SGIP1: variants seen among roughly 807,000 people sequenced by gnomAD.
SGIP1 encodes the protein SH3-containing GRB2-like protein 3-interacting protein 1.
In SGIP1, 38 loss-of-function variants were observed where a neutral mutation model predicts 107.5. The ratio of observed to expected loss-of-function variants is 0.35; its 90% CI spans 0.27 to 0.46. The LOEUF (loss-of-function observed/expected upper bound fraction) is 0.46. Among genes scored for constraint, SGIP1 ranks in the 20% least tolerant of loss-of-function variants. The pLI, the probability that SGIP1 is intolerant of heterozygous loss-of-function variation, is 1.00. For missense variants in SGIP1, 929 were observed against 1,019.5 expected (o/e 0.91, Z 1.21); for synonymous variants, 365 against 366.1 (o/e 1.00, Z 0.03).
chr1:66,602,991 G>T (rs1000669616), intron 1 of SGIP1, among the ~76,000 whole-genome samples: 1 of 152,170 alleles, frequency 6.6e-6, no homozygotes, highest in Non-Finnish European at 1.5e-5. Flanking sequence ...AAACAATGGG[G>T]TTTGTTTTTG....
intron 18 of SGIP1, among the ~76,000 whole-genome samples, chr1:66,716,636 C>T (rs561210937): frequency 7.9e-5 from 12 of 152,120 alleles, no homozygotes; most frequent in South Asian, 4.1e-4. Flanking sequence ...TCCCATCTTC[C>T]GTTCAGGGTG....
Position 66,741,298 on chromosome 1 carries a change from C to G in SGIP1, c.2326C>G (p.Gln776Glu). 2 of 1,594,732 alleles carry G rather than the reference C, an allele frequency of 1.3e-6. No homozygotes were observed. Among genetic ancestry groups the G allele is most frequent in the Admixed American group, 3.5e-5 (2 of 57,066 alleles). ...GGVGSLLARF[Q>E]LSEGPSKPSP... ...GGTGGGTTCTTTGTTGGCAAGATTT[C>G]AGTTATCTGAAGGCCCAAGCAAACC... The change falls in exon 24 of 25, where the codon CAG becomes GAG. Residue 776 changes from glutamine (Q) to glutamate (E), a missense_variant. Coordinates refer to ENST00000371037, the MANE Select transcript of SGIP1 (RefSeq NM_032291.4).
chr1:66,634,907 CAG>C lies in SGIP1; in HGVS notation c.100-1033_100-1032del, dbSNP rs573949447. On this transcript the variant is annotated intron_variant, in intron 3 of 24. Transcript: ENST00000371037. Reference sequence around the variant, plus strand: ...TGAGTTTCTGTCTGCATTCAGTTCTCAGAGATACCGACCTGATTTTCCTTCAA... The same window carrying C: ...TGAGTTTCTGTCTGCATTCAGTTCTCAGATACCGACCTGATTTTCCTTCAA... Among the ~76,000 whole-genome samples the C allele has an allele frequency of 2.0e-4, 31 of 152,330 alleles. No homozygotes were observed. The South Asian group carries it at 6.4e-3, about 32-fold the overall frequency.
rs886787099 is a variant in SGIP1, at chr1:66,744,167, T to C, written c.*1072T>C. ...AGATCCAGAAGGAGAGTTTTAATCA[T>C]TGTTTATATCATTTGAGAATGAAAA... is the stretch of plus-strand genomic sequence containing the variant. On this transcript the variant is annotated 3_prime_UTR_variant, in exon 25 of 25. Transcript: ENST00000371037. The C allele has an allele frequency of 6.6e-6, 1 of 152,194 alleles. No homozygotes were observed. Among genetic ancestry groups the C allele is most frequent in the African/African-American group, 2.4e-5 (1 of 41,458 alleles). 9.4% of individuals were successfully genotyped at this position (152,194 alleles called of 1,614,324 possible).
At chr1:66,695,279 T>C in intron 17 of SGIP1, 155 bp from the exon 18 acceptor site, 6 of 1,058,906 alleles carry the variant, frequency 5.7e-6, no homozygotes, top group Non-Finnish European at 7.1e-6. Context: ...AAAGTGTAGA[T>C]TGCCAGCCTT....
intron 18 of SGIP1, among the ~76,000 whole-genome samples, chr1:66,717,808 T>C (rs1417627866): frequency 6.6e-6 from 1 of 152,180 alleles, no homozygotes; most frequent in East Asian, 1.9e-4. Flanking sequence ...TACATTTACA[T>C]AGGCAATATA....
chr1:66,632,374 G>A (rs1255395484), intron 2 of SGIP1, among the ~76,000 whole-genome samples: 1 of 152,180 alleles, frequency 6.6e-6, no homozygotes, highest in Non-Finnish European at 1.5e-5. Context: ...AATGGAAGGA[G>A]AGGTAAACAG....
rs1557865789 is a variant in SGIP1, at chr1:66,750,011, C to CTT, written c.*6917_*6918insTT. ...TAATTCATATTCTCTCTCTCTCTCT[C>CTT]TCTCTTTCTCTGTGTGTGTGTGGGG... On this transcript the variant is annotated 3_prime_UTR_variant, in exon 25 of 25. Coordinates refer to ENST00000371037, the MANE Select transcript of SGIP1 (RefSeq NM_032291.4). Among the ~76,000 whole-genome samples the CTT allele has an allele frequency of 6.6e-5, 8 of 121,624 alleles. No homozygotes were observed. Among genetic ancestry groups the CTT allele is most frequent in the African/African-American group, 2.4e-4 (8 of 33,128 alleles). 79.8% of individuals were successfully genotyped at this position (121,624 alleles called of 152,430 possible). A position where few individuals can be genotyped will look rare whatever the true frequency, so the allele number is the denominator to read the frequency against.
intron 1 of SGIP1, among the ~76,000 whole-genome samples, chr1:66,560,720 A>G (rs2058809408): frequency 6.6e-6 from 1 of 152,092 alleles, no homozygotes; most frequent in Non-Finnish European, 1.5e-5. Context: ...TTTTAAAAAA[A>G]GAAAGCAGGA....
At chr1:66,667,460 C>T in intron 8 of SGIP1, 70 bp from the exon 9 acceptor site, 2 of 1,433,154 alleles carry the variant, frequency 1.4e-6, no homozygotes, top group South Asian at 2.3e-5. Context: ...CTTCTGTTAC[C>T]CAAGACTGTT....
At chr1:66,686,744 C>T (rs1476113257) in intron 15 of SGIP1, among the ~76,000 whole-genome samples, 2 of 152,112 alleles carry the variant, frequency 1.3e-5, no homozygotes, top group Non-Finnish European at 2.9e-5. Context: ...TCAATTACTT[C>T]AAATCAGTAC....
chr1:66,582,038 G>A (rs1016136621), intron 1 of SGIP1, among the ~76,000 whole-genome samples: 1 of 152,004 alleles, frequency 6.6e-6, no homozygotes, highest in Non-Finnish European at 1.5e-5. Flanking sequence ...ACAAAAAGAA[G>A]GGACTGCCTA....
upstream of SGIP1, chr1:66,533,370 C>T (rs2147902689): frequency 6.6e-6 from 1 of 152,488 alleles, no homozygotes; most frequent in South Asian, 2.1e-4. Context: ...CAGAAACGAT[C>T]TCGAGCGTTG....
intron 1 of SGIP1, among the ~76,000 whole-genome samples, chr1:66,553,164 A>G (rs934150502): frequency 1.3e-5 from 2 of 152,036 alleles, no homozygotes. Context: ...AAGCTGGGGG[A>G]ATGGTGGCTT....
intron 8 of SGIP1, among the ~76,000 whole-genome samples, chr1:66,662,502 G>A (rs1235878786): frequency 6.6e-6 from 1 of 152,198 alleles, no homozygotes; most frequent in Admixed American, 6.5e-5. Flanking sequence ...AATTAATTCT[G>A]TTAAGCAAAA....
intron 7 of SGIP1, among the ~76,000 whole-genome samples, chr1:66,650,244 G>A (rs1419729298): frequency 1.3e-5 from 2 of 152,062 alleles, no homozygotes; most frequent in Non-Finnish European, 2.9e-5. Flanking sequence ...AAATTGTTTT[G>A]AGTACCATCA....
chr1:66,658,137 T>C (rs748805204), intron 7 of SGIP1, among the ~76,000 whole-genome samples: 16 of 152,206 alleles, frequency 1.1e-4, no homozygotes, highest in Non-Finnish European at 2.2e-4. Flanking sequence ...AGTCTTCTGA[T>C]TTTAATTAAA....
chr1:66,741,688 T>A (rs1412220603), intron 24 of SGIP1, among the ~76,000 whole-genome samples: 1 of 152,190 alleles, frequency 6.6e-6, no homozygotes, highest in African/African-American at 2.4e-5. Context: ...TATATAGATG[T>A]ATATACTGAG....
At chr1:66,642,976 A>G (rs1243261171) in intron 6 of SGIP1, 112 bp downstream of exon 6, 1 of 903,114 alleles carries the variant, frequency 1.1e-6, no homozygotes. Context: ...AAGTCCTGTT[A>G]TCCCTAATAT....
Sources: allele counts gnomAD v4.1 joint callset (sites outside exome capture counted in the v4.1 genomes callset), GRCh38; gene constraint gnomAD v4.1.1; transcripts MANE v1.5; gene names NCBI Gene and HGNC (gene_info 2026-07-23, HGNC 2026-07-21).